Variants in MYO7B observed in about 807,000 individuals in gnomAD.
MYO7B encodes myosin VIIB, also known as unconventional myosin-VIIb.
A neutral mutation model predicts 259.7 loss-of-function variants in MYO7B; 212 were observed. The ratio of observed to expected loss-of-function variants is 0.82; its 90% CI spans 0.73 to 0.91. The LOEUF (loss-of-function observed/expected upper bound fraction) is 0.91. Among genes scored for constraint, MYO7B ranks in the 40% least tolerant of loss-of-function variants. The pLI, the probability that MYO7B is intolerant of heterozygous loss-of-function variation, is 0.00. For missense variants in MYO7B, 2,732 were observed against 2,813.5 expected, an observed-to-expected ratio of 0.97 and a Z score of 0.66; for synonymous variants, 1,197 against 1,166.4, an observed-to-expected ratio of 1.03 and a Z score of -0.54.
chr2:127,635,035 C>T, intron 42 of MYO7B, 85 bp from the exon 43 acceptor site: 1 of 1,071,452 alleles, frequency 9.3e-7, no homozygotes, highest in Non-Finnish European at 1.4e-6. Context: ...AGGGAGGTGG[C>T]AGGCGCAGTG....
At chr2:127,575,150 C>T (rs1678815190) in intron 7 of MYO7B, among the ~76,000 whole-genome samples, 1 of 152,200 alleles carries the variant, frequency 6.6e-6, no homozygotes, top group African/African-American at 2.4e-5. Flanking sequence ...ACCCTCCGAC[C>T]TGGTGCTATA....
chr2:127,609,485 G>T lies in MYO7B; in HGVS notation c.2815-21G>T, dbSNP rs546740655. ...TTACCTGAAAGCCCTGCTGACCCGT[G>T]TTCTCCCTCAATGGCCGTAGGATCT... On this transcript the variant is annotated intron_variant, in intron 22 of 47. Transcript: ENST00000409816. This position sits in a 1 kb window ranked among gnomAD's most constrained non-coding sequence, Gnocchi z 6.9. 189 of 1,599,352 alleles carry T rather than the reference G, an allele frequency of 1.2e-4. No homozygotes were observed. The highest frequency in any genetic ancestry group is 6.1e-4 in the Admixed American group (35 of 57,412).
rs1049406060 is a variant in MYO7B, at chr2:127,575,478, C to A, written c.736-1117C>A. On this transcript the variant is annotated intron_variant, in intron 7 of 47. Transcript: ENST00000409816. ...CGGCATATCTATACTACAGAGGAGG[C>A]GGTCTGTCCATGTCAATGTAAAGGA... Among the ~76,000 whole-genome samples, 10 of 151,240 alleles carry A rather than the reference C, an allele frequency of 6.6e-5. No individual in the cohort carries two copies. In the East Asian group the frequency reaches 1.2e-3, roughly 18 times the overall value.
In MYO7B at chr2:127,580,792, C is replaced by T. The variant is rs540091302; in HGVS notation, c.1050C>T (p.Pro350=). The change falls in exon 10 of 48, where the codon CCC becomes CCT. Residue 350 remains proline (P), a synonymous_variant. Coordinates refer to ENST00000409816, the MANE Select transcript of MYO7B (RefSeq NM_001393586.1). ...ACGCCTCAGACGTGATGGAGACGCC[C>T]GCCTTTCCCACCGTGATGAAGTTAC... The part of the protein sequence containing the change: ...NLDASDVMET[P]AFPTVMKLLE... 1.2e-5 allele frequency: 19 copies of T among 1,613,468 alleles called. No homozygotes were observed. The East Asian group carries it at 1.3e-4, about 11-fold the overall frequency.
chr2:127,605,721 T>C, intron 19 of MYO7B, 123 bp from the exon 20 acceptor site: 1 of 814,768 alleles, frequency 1.2e-6, no homozygotes, highest in South Asian at 1.7e-5. Flanking sequence ...GAGAAAGGAT[T>C]GTACGTATTC....
intron 29 of MYO7B, 54 bp from the exon 30 acceptor site, chr2:127,624,039 G>C (rs1243832294): frequency 6.7e-7 from 1 of 1,481,578 alleles, no homozygotes; most frequent in African/African-American, 1.4e-5. Context: ...GGGCGTCCCC[G>C]TGGGGTGGGG....
At chr2:127,625,309 G>A in intron 30 of MYO7B, 59 bp from the exon 31 acceptor site, 1 of 1,441,618 alleles carries the variant, frequency 6.9e-7, no homozygotes, top group Admixed American at 2.7e-5. Context: ...GGGCATCCTG[G>A]GGAAGGGGGG....
Position 127,585,361 on chromosome 2 carries a change from T to G in MYO7B, c.1690+448T>G, listed in dbSNP as rs1366714350. The stretch of plus-strand genomic sequence containing the variant: ...TAATACGTGGTCTTCTGTGGCTGGT[T>G]TCTTTCACTTAGCATCATGTTTTCA... On this transcript the variant is annotated intron_variant, in intron 14 of 47. Transcript: ENST00000409816. This position sits in a 1 kb window ranked among gnomAD's most constrained non-coding sequence, Gnocchi z 4.3. Among the ~76,000 whole-genome samples the G allele has an allele frequency of 6.6e-6, 1 of 152,200 alleles. No homozygotes were observed. Among genetic ancestry groups the G allele is most frequent in the East Asian group, 1.9e-4 (1 of 5,198 alleles).
At chr2:127,552,969 T>C (rs1302364097) in intron 1 of MYO7B, among the ~76,000 whole-genome samples, 1 of 152,222 alleles carries the variant, frequency 6.6e-6, no homozygotes, top group Non-Finnish European at 1.5e-5. Flanking sequence ...CTGCATAGCC[T>C]CTGCAAAGTC....
At chr2:127,616,629 A>G (rs1163150624) in intron 26 of MYO7B, among the ~76,000 whole-genome samples, 2 of 152,224 alleles carry the variant, frequency 1.3e-5, no homozygotes, top group Non-Finnish European at 2.9e-5. Context: ...TGGGAATCTT[A>G]GTGAGTTTGT....
At position 127,615,533 on chromosome 2, in the gene MYO7B, T is replaced by A. The variant is rs1486773147; in HGVS notation, c.3398+2930T>A. On this transcript the variant is annotated intron_variant, in intron 26 of 47. Coordinates refer to ENST00000409816, the MANE Select transcript of MYO7B (RefSeq NM_001393586.1). This position sits in a 1 kb window ranked among gnomAD's most constrained non-coding sequence, Gnocchi z 4.4. ...GCAGGGAGGAGGAGGTAACGATTGG[T>A]CAGCTGCTTAATTGATCACAGGTTC... is the stretch of plus-strand genomic sequence containing the variant. Among the ~76,000 whole-genome samples, 10 of 152,032 alleles carry A rather than the reference T, an allele frequency of 6.6e-5. No homozygotes were observed. The East Asian group carries it at 1.9e-3, about 29-fold the overall frequency.
At position 127,590,319 on chromosome 2, in the gene MYO7B, T is replaced by C. The variant is rs1314655191; in HGVS notation, c.1992+90T>C. ...TGTGGTCACTCCCTCTGCCAGGGCC[T>C]GGCTAGCGTTAGAGCTGTTACTGCC... On this transcript the variant is annotated intron_variant, in intron 16 of 47. Transcript: ENST00000409816. This position sits in a 1 kb window ranked among gnomAD's most constrained non-coding sequence, Gnocchi z 4.6. 6.4e-7 allele frequency: 1 copy of C among 1,567,780 alleles called. No individual in the cohort carries two copies. Among genetic ancestry groups the C allele is most frequent in the Non-Finnish European group, 8.7e-7 (1 of 1,149,800 alleles).
chr2:127,635,249 G>T, intron 43 of MYO7B, 23 bp downstream of exon 43: 1 of 1,590,210 alleles, frequency 6.3e-7, no homozygotes, highest in African/African-American at 1.3e-5. Context: ...CTGCCCTGGT[G>T]GGCACTGGGG....
chr2:127,624,181 G>T lies in MYO7B; in HGVS notation c.3908G>T (p.Arg1303Leu). 6.3e-7 allele frequency: 1 copy of T among 1,597,372 alleles called. No individual in the cohort carries two copies. Among genetic ancestry groups the T allele is most frequent in the Non-Finnish European group, 8.5e-7 (1 of 1,172,706 alleles). ...QMAQERGESQ[R>L]QSPWRIYFRK... is the part of the protein sequence containing the mutation. Reference sequence around the variant, plus strand: ...GCCCAGGAGAGGGGCGAGAGCCAGCGCCAGTCACCCTGGCGCATCTACTTC... The same window carrying T: ...GCCCAGGAGAGGGGCGAGAGCCAGCTCCAGTCACCCTGGCGCATCTACTTC... Residue 1303 changes from arginine to leucine, a missense_variant, in exon 30 of 48, where the codon CGC becomes CTC. Arg to Leu is a moderately radical substitution (Grantham distance 102). Transcript: ENST00000409816.
rs2105112192 is a variant in MYO7B at position 127,628,048 on chromosome 2, C to T, written c.4461-324C>T. On this transcript the variant is annotated intron_variant, in intron 33 of 47. Transcript: ENST00000409816. The surrounding 1 kb of genome is among the most constrained non-coding windows in gnomAD (Gnocchi z 4.8). ...CCGAGGTTAGGTGGCTCAGAGTAAG[C>T]ACATGGCAGAGCCGGCAGCTCATCT... The T allele has an allele frequency of 7.4e-6, 4 of 541,504 alleles. No individual in the cohort carries two copies. The highest frequency in any genetic ancestry group is 1.5e-5 in the South Asian group (1 of 65,358). 33.5% of individuals were successfully genotyped at this position (541,504 alleles called of 1,614,324 possible).
rs746753048 is a variant in MYO7B at position 127,635,212 on chromosome 2, C to G, written c.5806C>G (p.Leu1936Val). 3.4e-5 allele frequency: 55 copies of G among 1,613,180 alleles called. No individual in the cohort carries two copies. Among genetic ancestry groups the G allele is most frequent in the Non-Finnish European group, 4.5e-5 (53 of 1,179,610 alleles). Reference protein sequence around the residue: ...PGKDVNADTILHYHQELPKYL... With the variant: ...PGKDVNADTIVHYHQELPKYL... The stretch of plus-strand genomic sequence containing the variant: ...GAAGGATGTGAATGCAGACACCATA[C>G]TCCATTACCACCAGGTACCGGGCAG... Residue 1936 changes from leucine to valine, a missense_variant, in exon 43 of 48, where the codon CTC (leucine) becomes GTC (valine). By Grantham distance (32) the Leu-to-Val change is conservative. Coordinates refer to ENST00000409816, the MANE Select transcript of MYO7B (RefSeq NM_001393586.1).
chr2:127,561,823 G>A (rs1032002567), intron 2 of MYO7B, among the ~76,000 whole-genome samples: 1 of 152,198 alleles, frequency 6.6e-6, no homozygotes, highest in Non-Finnish European at 1.5e-5. Context: ...ATCACAGACT[G>A]GATGGCCTAA....
chr2:127,572,305 TCTACTC>T lies in MYO7B; in HGVS notation c.593-1614_593-1609del, dbSNP rs1481393795. ...ATGGTGGCATGCGCCTATAATCCCATCTACTCGGGATGCTGTGGCAGGAGAATCGCT... is the reference window on the plus strand; with the variant it reads ...ATGGTGGCATGCGCCTATAATCCCATGGGATGCTGTGGCAGGAGAATCGCT... On this transcript the variant is annotated intron_variant, in intron 6 of 47. Transcript: ENST00000409816. 6.6e-5 allele frequency among the ~76,000 whole-genome samples: 10 copies of T among 151,630 alleles called. No individual in the cohort carries two copies. In the South Asian group the frequency reaches 1.3e-3, roughly 19 times the overall value.
intron 19 of MYO7B, among the ~76,000 whole-genome samples, chr2:127,603,538 G>A (rs1196560409): frequency 6.6e-6 from 1 of 152,086 alleles, no homozygotes; most frequent in Non-Finnish European, 1.5e-5. Context: ...GGTCTCAATG[G>A]TGGCCTTAAA....
Sources: gnomAD v4.1 joint callset for allele counts (sites outside exome capture counted in the v4.1 genomes callset) on GRCh38, gnomAD v4.1.1 for gene constraint, Gnocchi (gnomAD v3.1) non-coding constraint, MANE v1.5 for transcripts, NCBI Gene and HGNC (gene_info 2026-07-23, HGNC 2026-07-21) for gene names.